Variants in IMMP2L observed in about 807,000 individuals in gnomAD.
IMMP2L encodes the protein inner mitochondrial membrane peptidase subunit 2, also known as mitochondrial inner membrane protease subunit 2.
In IMMP2L, 18 loss-of-function variants were observed where a neutral mutation model predicts 19.3. The ratio of observed to expected loss-of-function variants is 0.93; its 90% CI spans 0.64 to 1.38. The LOEUF (loss-of-function observed/expected upper bound fraction) is 1.38, where lower values mean the gene tolerates loss of function less well. Ranked by LOEUF, IMMP2L falls within the 40% of genes most tolerant of loss-of-function variation. The pLI, the probability that IMMP2L is intolerant of heterozygous loss-of-function variation, is 0.00. For missense variants in IMMP2L, 233 were observed against 218.2 expected (o/e 1.07, Z -0.43); for synonymous variants, 76 against 73.0 (o/e 1.04, Z -0.21).
At chr7:111,087,742 A>G (rs1485107700) in intron 3 of IMMP2L, among the ~76,000 whole-genome samples, 2 of 152,184 alleles carry the variant, frequency 1.3e-5, no homozygotes, top group Admixed American at 6.5e-5. Context: ...ATGGTAAGTA[A>G]TAAGAGCGAT....
At chr7:110,958,785 T>A (rs1368517910) in intron 4 of IMMP2L, among the ~76,000 whole-genome samples, 1 of 151,974 alleles carries the variant, frequency 6.6e-6, no homozygotes, top group Non-Finnish European at 1.5e-5. Context: ...ATACTCAGAT[T>A]TCTCTCAGGT....
chr7:111,325,464 C>T (rs534783897), intron 3 of IMMP2L, among the ~76,000 whole-genome samples: 3 of 151,406 alleles, frequency 2.0e-5, no homozygotes, highest in Non-Finnish European at 4.4e-5. Context: ...AGATATTTTA[C>T]CATATTAGTA....
chr7:110,760,057 G>A lies in IMMP2L; in HGVS notation c.409-96336C>T, dbSNP rs988258689. Among the ~76,000 whole-genome samples, 3 of 152,068 alleles carry A rather than the reference G, an allele frequency of 2.0e-5. No homozygotes were observed. The highest frequency in any genetic ancestry group is 7.2e-5 in the African/African-American group (3 of 41,410). ...GCCAGTTAAGCCTTCCATTTAATATGAAATCAAGTGGAGACATCTGTGCTT... is the reference window on the plus strand; with the variant it reads ...GCCAGTTAAGCCTTCCATTTAATATAAAATCAAGTGGAGACATCTGTGCTT... On this transcript the variant is annotated intron_variant, in intron 5 of 5. Transcript: ENST00000405709. This position sits in a 1 kb window ranked among gnomAD's most constrained non-coding sequence, Gnocchi z 4.2.
chr7:110,794,601 A>G (rs1488179376), intron 5 of IMMP2L, among the ~76,000 whole-genome samples: 1 of 152,138 alleles, frequency 6.6e-6, no homozygotes, highest in East Asian at 1.9e-4. Context: ...AAAACCAATA[A>G]GACAAAACAT....
chr7:111,539,971 T>G (rs1848371724), intron 1 of IMMP2L, among the ~76,000 whole-genome samples: 1 of 152,166 alleles, frequency 6.6e-6, no homozygotes, highest in African/African-American at 2.4e-5. Context: ...CTTATTATTT[T>G]TAATGGCTTT....
intron 5 of IMMP2L, among the ~76,000 whole-genome samples, chr7:110,774,457 C>T (rs1437920460): frequency 6.6e-6 from 1 of 151,832 alleles, no homozygotes; most frequent in African/African-American, 2.4e-5. Context: ...CTACTTTTAT[C>T]CAGAAGGAAA....
chr7:111,381,678 C>T (rs1344751361), intron 3 of IMMP2L, among the ~76,000 whole-genome samples: 1 of 151,628 alleles, frequency 6.6e-6, no homozygotes, highest in Non-Finnish European at 1.5e-5. Context: ...TGGAGAAGAA[C>T]AAAAGAGAAA....
rs1202189672 is a variant in IMMP2L at position 111,389,405 on chromosome 7, G to A, written c.239+97833C>T. 5.9e-5 allele frequency among the ~76,000 whole-genome samples: 9 copies of A among 152,120 alleles called. 1 individual carries two copies. In the East Asian group the frequency reaches 1.5e-3, roughly 26 times the overall value. On this transcript the variant is annotated intron_variant, in intron 3 of 5. Transcript: ENST00000405709. ...AATCTGTGTAATAGACGGTAATATT[G>A]TATCAATACTAGTTTCCTATTTTGG...
At position 111,124,377 on chromosome 7, in the gene IMMP2L, T is replaced by C. The variant is rs766168763; in HGVS notation, c.240-160812A>G. The C allele has an allele frequency of 3.7e-6, 6 of 1,613,664 alleles. No homozygotes were observed. The East Asian group carries it at 1.1e-4, about 30-fold the overall frequency. ...TTAAAATAAGAGATATTCAGGCCAA[T>C]TCAGTTTTGGTGTCCTGGAAAGCAA... On this transcript the variant is annotated intron_variant, in intron 3 of 5. Coordinates refer to ENST00000405709, the MANE Select transcript of IMMP2L (RefSeq NM_032549.4).
intron 3 of IMMP2L, among the ~76,000 whole-genome samples, chr7:111,354,595 A>G (rs1828514176): frequency 6.6e-6 from 1 of 151,784 alleles, no homozygotes; most frequent in South Asian, 2.1e-4. Flanking sequence ...TAAAAAAAAA[A>G]GAAAGAAAAT....
chr7:110,925,705 A>G (rs1031748011), intron 4 of IMMP2L, among the ~76,000 whole-genome samples: 9 of 152,116 alleles, frequency 5.9e-5, no homozygotes, highest in Non-Finnish European at 1.3e-4. Flanking sequence ...TGTGTCCTAT[A>G]TTGCTTAATT....
At chr7:111,173,831 T>G (rs143964413) in intron 3 of IMMP2L, among the ~76,000 whole-genome samples, 3 of 151,820 alleles carry the variant, frequency 2.0e-5, no homozygotes, top group African/African-American at 7.2e-5. Context: ...GAAAGAAGCT[T>G]ACCATCATTG....
chr7:110,895,478 A>G (rs1214691571), intron 4 of IMMP2L, among the ~76,000 whole-genome samples: 1 of 151,800 alleles, frequency 6.6e-6, no homozygotes, highest in Non-Finnish European at 1.5e-5. Flanking sequence ...ATTTTGTTAT[A>G]CTCCTTTCCA....
At chr7:110,801,389 C>T (rs954274580) in intron 5 of IMMP2L, among the ~76,000 whole-genome samples, 13 of 152,060 alleles carry the variant, frequency 8.5e-5, no homozygotes, top group Admixed American at 6.6e-4. Flanking sequence ...ACCTCTGTCT[C>T]GAAACTAGAT....
chr7:110,939,431 G>A (rs890523830), intron 4 of IMMP2L, among the ~76,000 whole-genome samples: 1 of 147,972 alleles, frequency 6.8e-6, no homozygotes, highest in Non-Finnish European at 1.5e-5. Context: ...ATTGTAAAGC[G>A]AGTACACAGG....
intron 3 of IMMP2L, among the ~76,000 whole-genome samples, chr7:111,354,713 C>T (rs780512592): frequency 2.0e-5 from 3 of 151,470 alleles, no homozygotes; most frequent in Non-Finnish European, 3.0e-5. Flanking sequence ...ACATTAATGG[C>T]CTTCTTATAC....
At chr7:111,430,024 TC>T (rs1585066168) in intron 3 of IMMP2L, among the ~76,000 whole-genome samples, 1 of 151,852 alleles carries the variant, frequency 6.6e-6, no homozygotes, top group East Asian at 1.9e-4. Context: ...GTAGTTTAGT[TC>T]CCTTTCAGTG....
At chr7:111,347,056 A>G (rs964227182) in intron 3 of IMMP2L, among the ~76,000 whole-genome samples, 1 of 152,124 alleles carries the variant, frequency 6.6e-6, no homozygotes, top group Non-Finnish European at 1.5e-5. Context: ...AAAAAAAAGA[A>G]GAGAGGTGGG....
chr7:111,166,115 G>A (rs1409442828), intron 3 of IMMP2L, among the ~76,000 whole-genome samples: 7 of 151,960 alleles, frequency 4.6e-5, no homozygotes, highest in African/African-American at 1.7e-4. Context: ...AACCCCATGA[G>A]TGAGGTTAAT....
Sources: gnomAD v4.1 joint callset for allele counts (sites outside exome capture counted in the v4.1 genomes callset) on GRCh38, gnomAD v4.1.1 for gene constraint, Gnocchi (gnomAD v3.1) non-coding constraint, MANE v1.5 for transcripts, NCBI Gene and HGNC (gene_info 2026-07-23, HGNC 2026-07-21) for gene names.